Variants in CCDC85A observed in about 807,000 individuals in gnomAD.
CCDC85A encodes coiled-coil domain-containing protein 85A.
A neutral mutation model predicts 50.2 loss-of-function variants in CCDC85A; 38 were observed. The observed-to-expected ratio is 0.76, with a 90% CI of 0.58 to 0.99. The LOEUF is 0.99. Ranked by LOEUF, CCDC85A falls within the 50% of genes least tolerant of loss-of-function variation. The probability of loss-of-function intolerance (pLI) is 0.00; values close to 1 mark genes in which losing one functional copy is unlikely to be tolerated. For synonymous variants in CCDC85A, 366 were observed against 301.4 expected, an observed-to-expected ratio of 1.21 and a Z score of -2.22; for missense variants, 820 against 742.0, an observed-to-expected ratio of 1.11 and a Z score of -1.22.
intron 2 of CCDC85A, among the ~76,000 whole-genome samples, chr2:56,333,390 A>G (rs1265376176): frequency 6.6e-6 from 1 of 152,220 alleles, no homozygotes; most frequent in East Asian, 1.9e-4. Flanking sequence ...TATGGTGTTC[A>G]GGAACAGAAA....
intron 2 of CCDC85A, among the ~76,000 whole-genome samples, chr2:56,275,259 G>T (rs1312268078): frequency 2.0e-5 from 3 of 152,156 alleles, no homozygotes; most frequent in Admixed American, 6.5e-5. Flanking sequence ...CTACATGGCA[G>T]CATGAATACA....
chr2:56,310,033 G>A (rs1232870764), intron 2 of CCDC85A, among the ~76,000 whole-genome samples: 7 of 152,252 alleles, frequency 4.6e-5, no homozygotes, highest in South Asian at 2.1e-4. Context: ...CCTTTTACCT[G>A]TTTGTTTCAT....
intron 2 of CCDC85A, among the ~76,000 whole-genome samples, chr2:56,224,184 T>C: frequency 6.6e-6 from 1 of 152,184 alleles, no homozygotes; most frequent in East Asian, 1.9e-4. Flanking sequence ...AATTTTTCTG[T>C]TATGGACATT....
rs994897398 is a variant in CCDC85A, at chr2:56,367,172, A to C, written c.1318-5172A>C. Among the ~76,000 whole-genome samples, 4 of 152,212 alleles carry C rather than the reference A, an allele frequency of 2.6e-5. No homozygotes were observed. In the South Asian group the frequency reaches 8.3e-4, roughly 32 times the overall value. On this transcript the variant is annotated intron_variant, in intron 3 of 5. Coordinates refer to ENST00000407595, the MANE Select transcript of CCDC85A (RefSeq NM_001080433.2). ...GATTTTCTAGGTACTGTAGCATACTATATGTCTCTATCTCAAGAACTCTTT... is the reference window on the plus strand; with the variant it reads ...GATTTTCTAGGTACTGTAGCATACTCTATGTCTCTATCTCAAGAACTCTTT...
At chr2:56,191,343 T>C (rs768650888) in intron 1 of CCDC85A, among the ~76,000 whole-genome samples, 1 of 152,240 alleles carries the variant, frequency 6.6e-6, no homozygotes, top group Non-Finnish European at 1.5e-5. Flanking sequence ...TCCACTGATA[T>C]ATCCCTACCA....
At chr2:56,279,369 T>G (rs1459755731) in intron 2 of CCDC85A, among the ~76,000 whole-genome samples, 1 of 152,186 alleles carries the variant, frequency 6.6e-6, no homozygotes, top group East Asian at 1.9e-4. Flanking sequence ...TAAAACATAT[T>G]CATAACCCCC....
chr2:56,362,653 C>G (rs941413183), intron 3 of CCDC85A, among the ~76,000 whole-genome samples: 4 of 152,014 alleles, frequency 2.6e-5, no homozygotes, highest in African/African-American at 4.8e-5. Flanking sequence ...AAGTCTCGCT[C>G]TGTCACCCAG....
chr2:56,320,280 A>T (rs1403878696), intron 2 of CCDC85A, among the ~76,000 whole-genome samples: 4 of 152,090 alleles, frequency 2.6e-5, no homozygotes, highest in Non-Finnish European at 5.9e-5. Flanking sequence ...GCAAGACATA[A>T]CTAAGATCAG....
chr2:56,320,953 G>T (rs562909056), intron 2 of CCDC85A, among the ~76,000 whole-genome samples: 5 of 152,178 alleles, frequency 3.3e-5, no homozygotes, highest in Non-Finnish European at 7.4e-5. Flanking sequence ...CGATCAAGTG[G>T]GCTGCATCCC....
At chr2:56,314,527 G>A (rs1672834096) in intron 2 of CCDC85A, among the ~76,000 whole-genome samples, 1 of 152,022 alleles carries the variant, frequency 6.6e-6, no homozygotes, top group Non-Finnish European at 1.5e-5. Flanking sequence ...CCCCATCATT[G>A]CCAAGATTTA....
intron 2 of CCDC85A, among the ~76,000 whole-genome samples, chr2:56,254,642 T>G (rs772599437): frequency 7.9e-5 from 12 of 152,164 alleles, no homozygotes; most frequent in Non-Finnish European, 1.3e-4. Flanking sequence ...AGCCCATGGC[T>G]AGAAGAGGAG....
intron 2 of CCDC85A, among the ~76,000 whole-genome samples, chr2:56,251,535 T>C (rs1036728918): frequency 6.6e-6 from 1 of 152,178 alleles, no homozygotes; most frequent in Non-Finnish European, 1.5e-5. Context: ...GTTTGTATCA[T>C]GTTGCAACCT....
intron 2 of CCDC85A, among the ~76,000 whole-genome samples, chr2:56,241,651 A>G (rs1669263645): frequency 6.6e-6 from 1 of 152,172 alleles, no homozygotes; most frequent in Non-Finnish European, 1.5e-5. Context: ...TGTTCTTGCA[A>G]ATGACAAGAT....
intron 2 of CCDC85A, among the ~76,000 whole-genome samples, chr2:56,332,254 C>G (rs1376245883): frequency 6.6e-6 from 1 of 152,134 alleles, no homozygotes; most frequent in Non-Finnish European, 1.5e-5. Context: ...TCTGTGTCTC[C>G]CTCTCTTCTT....
intron 2 of CCDC85A, among the ~76,000 whole-genome samples, chr2:56,202,006 T>A (rs1171028234): frequency 6.6e-6 from 1 of 152,188 alleles, no homozygotes; most frequent in East Asian, 1.9e-4. Context: ...ACAGGGTCAG[T>A]GTCTAAAGAA....
rs190114405 is a variant in CCDC85A, at chr2:56,252,973, C to T, written c.1240+59533C>T. On this transcript the variant is annotated intron_variant, in intron 2 of 5. Coordinates refer to ENST00000407595, the MANE Select transcript of CCDC85A (RefSeq NM_001080433.2). ...GGCGGAGGTTGCAGTAAGCCAAGAT[C>T]GCGCCACTGCACTCCAGTCTGGGTG... is the stretch of plus-strand genomic sequence containing the variant. Among the ~76,000 whole-genome samples, 416 of 151,938 alleles carry T rather than the reference C, an allele frequency of 2.7e-3. 2 individuals are homozygous for T. Among genetic ancestry groups the T allele is most frequent in the African/African-American group, 8.0e-3 (333 of 41,430 alleles).
chr2:56,274,542 C>T lies in CCDC85A; in HGVS notation c.1241-68337C>T, dbSNP rs573369740. ...AGTCTTTGCTCTTAGGGCTTTCAAC[C>T]GATTGGATAAAGCCCACCCACATTG... On this transcript the variant is annotated intron_variant, in intron 2 of 5. Coordinates refer to ENST00000407595, the MANE Select transcript of CCDC85A (RefSeq NM_001080433.2). Among the ~76,000 whole-genome samples, 17 of 152,268 alleles carry T rather than the reference C, an allele frequency of 1.1e-4. 1 individual carries two copies. The East Asian group carries it at 1.5e-3, about 14-fold the overall frequency.
intron 2 of CCDC85A, among the ~76,000 whole-genome samples, chr2:56,317,125 A>G (rs1407008434): frequency 2.6e-5 from 4 of 152,138 alleles, no homozygotes; most frequent in Admixed American, 2.6e-4. Context: ...TTTTCTTATC[A>G]TTAAATGCCT....
intron 3 of CCDC85A, among the ~76,000 whole-genome samples, chr2:56,354,442 A>G (rs766524392): frequency 2.0e-5 from 3 of 152,196 alleles, no homozygotes; most frequent in African/African-American, 7.2e-5. Context: ...GAGGAAGAAA[A>G]CGTTTTTTCA....
Sources: allele counts gnomAD v4.1 joint callset (sites outside exome capture counted in the v4.1 genomes callset), GRCh38; gene constraint gnomAD v4.1.1; transcripts MANE v1.5; gene names NCBI Gene and HGNC (gene_info 2026-07-23, HGNC 2026-07-21).